Variants in KCNMA1 observed in about 807,000 individuals in gnomAD.
The protein encoded by KCNMA1 is potassium calcium-activated channel subfamily M alpha 1, also known as Calcium-activated potassium channel subunit alpha-1.
In KCNMA1, 29 loss-of-function variants were observed where a neutral mutation model predicts 140.0. The observed-to-expected ratio is 0.21, with a 90% CI of 0.15 to 0.28. KCNMA1 has a LOEUF of 0.28. KCNMA1 is among the 10% of genes least tolerant of loss of function. KCNMA1 has a pLI of 1.00. For missense variants in KCNMA1, 880 were observed against 1,602.2 expected, an observed-to-expected ratio of 0.55 and a Z score of 7.70; for synonymous variants, 612 against 611.9, an observed-to-expected ratio of 1.00 and a Z score of 0.00.
chr10:76,884,924 G>T lies in KCNMA1; in HGVS notation c.*2342C>A. On this transcript the variant is annotated 3_prime_UTR_variant, in exon 28 of 28. Coordinates refer to ENST00000286628, the MANE Select transcript of KCNMA1 (RefSeq NM_001161352.2). Reference sequence around the variant, plus strand: ...TTTAATTTCACAAAAGTTTTCACAAGGACAACGTTATAGAAGAAAACCCCC... The same window carrying T: ...TTTAATTTCACAAAAGTTTTCACAATGACAACGTTATAGAAGAAAACCCCC... 6.7e-7 allele frequency: 1 copy of T among 1,484,344 alleles called. No homozygotes were observed. The highest frequency in any genetic ancestry group is 8.9e-7 in the Non-Finnish European group (1 of 1,119,644). The allele number at this position is 1,484,344 out of a possible 1,614,324, so 91.9% of individuals were successfully genotyped here.
At chr10:77,407,808 G>A (rs144182007) in intron 1 of KCNMA1, among the ~76,000 whole-genome samples, 24 of 152,300 alleles carry the variant, frequency 1.6e-4, no homozygotes, top group Non-Finnish European at 2.2e-4. Context: ...TGAAGCACCC[G>A]CTGATGGGGC....
intron 8 of KCNMA1, among the ~76,000 whole-genome samples, chr10:77,109,553 T>C (rs1381255958): frequency 6.6e-6 from 1 of 152,128 alleles, no homozygotes; most frequent in African/African-American, 2.4e-5. Flanking sequence ...AAGCAAACAG[T>C]GAAACTTTCT....
intron 2 of KCNMA1, among the ~76,000 whole-genome samples, chr10:77,313,704 C>G (rs915171901): frequency 6.6e-6 from 1 of 152,090 alleles, no homozygotes; most frequent in Non-Finnish European, 1.5e-5. Flanking sequence ...ATCAATGTGG[C>G]CTAGCACAGT....
intron 19 of KCNMA1, among the ~76,000 whole-genome samples, chr10:76,985,331 T>C (rs987815200): frequency 3.9e-5 from 6 of 152,198 alleles, no homozygotes; most frequent in African/African-American, 1.2e-4. Context: ...ACTTAATCAC[T>C]TACATAAAAA....
chr10:77,242,551 G>T (rs1464543768), intron 3 of KCNMA1, among the ~76,000 whole-genome samples: 2 of 152,122 alleles, frequency 1.3e-5, no homozygotes, highest in Admixed American at 6.5e-5. Context: ...GCTCATATTA[G>T]TCATTGATAT....
At chr10:76,932,488 G>A (rs2059521109) in intron 23 of KCNMA1, among the ~76,000 whole-genome samples, 1 of 152,158 alleles carries the variant, frequency 6.6e-6, no homozygotes, top group Non-Finnish European at 1.5e-5. Flanking sequence ...AGACCCATGT[G>A]TGCCATGACT....
chr10:77,505,092 CA>C (rs1027303423), intron 1 of KCNMA1, among the ~76,000 whole-genome samples: 3 of 152,196 alleles, frequency 2.0e-5, no homozygotes, highest in African/African-American at 7.2e-5. Flanking sequence ...GCTGAGTCAG[CA>C]GCTCTCAAGG....
At chr10:77,545,884 A>G (rs1478998110) in intron 1 of KCNMA1, among the ~76,000 whole-genome samples, 8 of 151,924 alleles carry the variant, frequency 5.3e-5, no homozygotes. Context: ...TGACCCCACT[A>G]CCCTGTCCCT....
At chr10:76,919,475 T>C (rs2054409733) in intron 23 of KCNMA1, among the ~76,000 whole-genome samples, 2 of 152,230 alleles carry the variant, frequency 1.3e-5, no homozygotes, top group African/African-American at 2.4e-5. Context: ...CTTTATCCTA[T>C]GACAGATATT....
At chr10:77,425,089 ATGGATGGATGGATGGATGAG>A (rs1165945509) in intron 1 of KCNMA1, among the ~76,000 whole-genome samples, 3 of 150,156 alleles carry the variant, frequency 2.0e-5, no homozygotes, top group African/African-American at 7.5e-5. Flanking sequence ...GGATGAGTGG[ATGGATGGATGGATGGATGAG>A]TGGATGGATG....
intron 15 of KCNMA1, among the ~76,000 whole-genome samples, chr10:77,035,104 A>G (rs912608388): frequency 3.3e-5 from 5 of 152,314 alleles, no homozygotes; most frequent in African/African-American, 1.2e-4. Context: ...CACAAGTCAA[A>G]ATAAATCTGA....
intron 2 of KCNMA1, among the ~76,000 whole-genome samples, chr10:77,366,545 A>G (rs2094377331): frequency 6.6e-6 from 1 of 152,208 alleles, no homozygotes; most frequent in African/African-American, 2.4e-5. Flanking sequence ...AAATTGCAAT[A>G]ACATTAAGAG....
chr10:77,577,198 C>G lies in KCNMA1; in HGVS notation c.378+60067G>C, dbSNP rs866288567. Among the ~76,000 whole-genome samples, 7 of 152,060 alleles carry G rather than the reference C, an allele frequency of 4.6e-5. No homozygotes were observed. The South Asian group carries it at 1.5e-3, about 32-fold the overall frequency. The stretch of plus-strand genomic sequence containing the variant: ...AGTGGCTGGGATTACAGGCGCCCAC[C>G]ACCATGCCCGGCTAATTTTTTTGTA... On this transcript the variant is annotated intron_variant, in intron 1 of 27. Coordinates refer to ENST00000286628, the MANE Select transcript of KCNMA1 (RefSeq NM_001161352.2).
At chr10:76,874,947 G>T (rs967484039), downstream of KCNMA1, 1 of 152,212 alleles carries the variant, frequency 6.6e-6, no homozygotes, top group Non-Finnish European at 1.5e-5. Context: ...CTTTTCTGGA[G>T]CCCTAAACTG....
intron 1 of KCNMA1, among the ~76,000 whole-genome samples, chr10:77,470,310 T>A (rs546824217): frequency 6.6e-6 from 1 of 152,202 alleles, no homozygotes; most frequent in East Asian, 1.9e-4. Flanking sequence ...TAATGGAGAC[T>A]CAGCAAACTG....
intron 17 of KCNMA1, chr10:77,012,657 A>G (rs1342921021): frequency 2.1e-6 from 2 of 931,248 alleles, no homozygotes. Flanking sequence ...TGACTGGACC[A>G]ATTCCCATGC....
chr10:77,419,196 T>G (rs2096812642), intron 1 of KCNMA1, among the ~76,000 whole-genome samples: 1 of 152,082 alleles, frequency 6.6e-6, no homozygotes, highest in Admixed American at 6.5e-5. Context: ...TCCTTTTACA[T>G]CTCAGAAGTC....
chr10:77,251,236 G>C lies in KCNMA1; in HGVS notation c.561C>G (p.Leu187=). The C allele has an allele frequency of 6.2e-7, 1 of 1,612,166 alleles. No individual in the cohort carries two copies. The highest frequency in any genetic ancestry group is 8.5e-7 in the Non-Finnish European group (1 of 1,178,358). The change falls in exon 3 of 28, where the codon CTC becomes CTG. Residue 187 remains leucine (L), a synonymous_variant. Coordinates refer to ENST00000286628, the MANE Select transcript of KCNMA1 (RefSeq NM_001161352.2). ...GRVLVVLVFA[L]SIGALVIYFI... ...AGTATATTACAAGTGCACCGATGCT[G>C]AGAGCAAAGACTAAGACAACCTGTA...
intron 1 of KCNMA1, chr10:77,634,629 G>A (rs1317233435): frequency 1.2e-5 from 12 of 985,210 alleles, no homozygotes; most frequent in East Asian, 2.3e-4. Context: ...ACCCATCTGA[G>A]GGCTGGTAGA....
Sources: gnomAD v4.1 joint callset for allele counts (sites outside exome capture counted in the v4.1 genomes callset) on GRCh38, gnomAD v4.1.1 for gene constraint, MANE v1.5 for transcripts, NCBI Gene and HGNC (gene_info 2026-07-23, HGNC 2026-07-21) for gene names.